The following SUMF1 variants were observed in gnomAD, a reference collection of about 807,000 sequenced individuals.
The protein encoded by SUMF1 is formylglycine-generating enzyme.
SUMF1 carries 48 observed loss-of-function variants against 47.6 expected under a neutral mutation model. The observed-to-expected ratio is 1.01, with a 90% CI of 0.80 to 1.28. The LOEUF is 1.28. SUMF1 is among the 50% of genes most tolerant of loss of function. The probability of loss-of-function intolerance (pLI) is 0.00; values close to 1 mark genes in which losing one functional copy is unlikely to be tolerated. For missense variants in SUMF1, 571 were observed against 485.4 expected (o/e 1.18, Z -1.66); for synonymous variants, 230 against 192.1 (o/e 1.20, Z -1.63).
At chr3:4,245,150 C>G (rs1479184374) in intron 8 of SUMF1, among the ~76,000 whole-genome samples, 1 of 151,884 alleles carries the variant, frequency 6.6e-6, no homozygotes, top group Admixed American at 6.6e-5. Flanking sequence ...AACCTTTTTT[C>G]AAGGTTTTTA....
rs964963959 is a variant in SUMF1, at chr3:4,063,489, C to T, written c.1191+5080G>A. 5.3e-5 allele frequency among the ~76,000 whole-genome samples: 8 copies of T among 152,136 alleles called. No individual in the cohort carries two copies. In the East Asian group the frequency reaches 7.7e-4, roughly 15 times the overall value. ...GATGTATGTTATATATATATTTACCCGTCAGGCATGCTCACAGCTCCCGTC... is the reference window on the plus strand; with the variant it reads ...GATGTATGTTATATATATATTTACCTGTCAGGCATGCTCACAGCTCCCGTC... On this transcript the variant is annotated intron_variant and NMD_transcript_variant, in intron 9 of 12. Coordinates refer to the SUMF1 transcript ENST00000448413.
At chr3:4,054,051 T>C (rs1440456317) in intron 9 of SUMF1, among the ~76,000 whole-genome samples, 1 of 152,024 alleles carries the variant, frequency 6.6e-6, no homozygotes, top group Non-Finnish European at 1.5e-5. Flanking sequence ...AATAGTAACA[T>C]ACTCAAAAAA....
chr3:4,375,864 C>A (rs779679729), intron 8 of SUMF1, among the ~76,000 whole-genome samples: 5 of 152,152 alleles, frequency 3.3e-5, no homozygotes, highest in African/African-American at 1.2e-4. Flanking sequence ...GGGAATGATG[C>A]TTATTTCACA....
chr3:4,308,937 C>G (rs181875278), intron 8 of SUMF1, among the ~76,000 whole-genome samples: 162 of 152,254 alleles, frequency 1.1e-3, no homozygotes, highest in South Asian at 2.3e-3. Context: ...GAACATGTAT[C>G]CGAAGTGGTT....
intron 7 of SUMF1, among the ~76,000 whole-genome samples, chr3:4,385,036 C>T (rs1700628437): frequency 2.0e-5 from 3 of 151,978 alleles, no homozygotes; most frequent in Non-Finnish European, 2.9e-5. Context: ...CAGGCACGCA[C>T]CACCAGGCCC....
At chr3:4,087,271 A>T (rs1373626736) in intron 8 of SUMF1, among the ~76,000 whole-genome samples, 1 of 152,174 alleles carries the variant, frequency 6.6e-6, no homozygotes, top group African/African-American at 2.4e-5. Flanking sequence ...TCTCGCAGAC[A>T]TGGAGCTGGG....
chr3:4,036,581 T>C (rs1285558228), intron 9 of SUMF1, among the ~76,000 whole-genome samples: 1 of 149,892 alleles, frequency 6.7e-6, no homozygotes, highest in Non-Finnish European at 1.5e-5. Flanking sequence ...CTCACTTCCA[T>C]TTCCTTCTTG....
chr3:4,162,839 T>A (rs1261127513), intron 8 of SUMF1, among the ~76,000 whole-genome samples: 1 of 151,892 alleles, frequency 6.6e-6, no homozygotes, highest in East Asian at 1.9e-4. Flanking sequence ...TTGTTAAGTT[T>A]GGTGTTCCTG....
At chr3:4,429,694 C>T (rs746777716) in intron 3 of SUMF1, among the ~76,000 whole-genome samples, 1 of 152,204 alleles carries the variant, frequency 6.6e-6, no homozygotes, top group Non-Finnish European at 1.5e-5. Context: ...AAGAGACATA[C>T]ACATGCAGAT....
intron 3 of SUMF1, among the ~76,000 whole-genome samples, chr3:4,448,977 C>T (rs764409368): frequency 3.3e-5 from 5 of 152,296 alleles, no homozygotes; most frequent in South Asian, 2.1e-4. Context: ...AAATGAAACT[C>T]GGAAGTGTCT....
intron 8 of SUMF1, among the ~76,000 whole-genome samples, chr3:4,239,958 T>C (rs1269418562): frequency 6.6e-6 from 1 of 152,172 alleles, no homozygotes; most frequent in East Asian, 1.9e-4. Context: ...ACCTAGTTTA[T>C]TGAGAGTTTT....
At chr3:4,224,591 A>C (rs1306409252) in intron 8 of SUMF1, among the ~76,000 whole-genome samples, 2 of 152,030 alleles carry the variant, frequency 1.3e-5, no homozygotes, top group African/African-American at 4.8e-5. Flanking sequence ...GCCAAGATTC[A>C]GGATGGGCTC....
chr3:4,352,474 C>T (rs1403159745), intron 8 of SUMF1, among the ~76,000 whole-genome samples: 1 of 152,166 alleles, frequency 6.6e-6, no homozygotes, highest in Non-Finnish European at 1.5e-5. Context: ...GAAAGTAACA[C>T]TTTCACCTTC....
chr3:4,270,670 G>C (rs143316761), intron 8 of SUMF1, among the ~76,000 whole-genome samples: 1 of 152,268 alleles, frequency 6.6e-6, no homozygotes, highest in Admixed American at 6.5e-5. Context: ...TTTCAACAAA[G>C]GATACCAGCA....
intron 9 of SUMF1, among the ~76,000 whole-genome samples, chr3:4,058,554 G>T (rs988308509): frequency 2.0e-5 from 3 of 152,130 alleles, no homozygotes; most frequent in Non-Finnish European, 4.4e-5. Context: ...TTGAAAGATG[G>T]CTGGGAGAGT....
At chr3:4,046,069 G>T (rs189899223) in intron 9 of SUMF1, among the ~76,000 whole-genome samples, 1 of 152,144 alleles carries the variant, frequency 6.6e-6, no homozygotes, top group East Asian at 1.9e-4. Flanking sequence ...GAAAAAAAAA[G>T]ATTGAGTCCA....
intron 8 of SUMF1, among the ~76,000 whole-genome samples, chr3:4,242,172 G>T (rs1214836457): frequency 1.3e-5 from 2 of 152,094 alleles, no homozygotes; most frequent in African/African-American, 4.8e-5. Flanking sequence ...AAGGAGATTT[G>T]GGGCCGAGAA....
intron 8 of SUMF1, among the ~76,000 whole-genome samples, chr3:4,329,556 C>A (rs1416144716): frequency 6.6e-6 from 1 of 152,204 alleles, no homozygotes; most frequent in South Asian, 2.1e-4. Flanking sequence ...GGCACCAAGT[C>A]TCTAGGCTGC....
intron 8 of SUMF1, among the ~76,000 whole-genome samples, chr3:4,373,613 G>C (rs1700234806): frequency 6.6e-6 from 1 of 152,002 alleles, no homozygotes; most frequent in East Asian, 1.9e-4. Context: ...ATTCACCAAG[G>C]AATCCTATCA....
Sources: gnomAD v4.1 joint callset for allele counts (sites outside exome capture counted in the v4.1 genomes callset) on GRCh38, gnomAD v4.1.1 for gene constraint, MANE v1.5 for transcripts, NCBI Gene and HGNC (gene_info 2026-07-23, HGNC 2026-07-21) for gene names.